Variants in ATP5F1C observed in about 807,000 individuals in gnomAD.
The protein encoded by ATP5F1C is ATP synthase F1 subunit gamma.
A neutral mutation model predicts 37.4 loss-of-function variants in ATP5F1C; 22 were observed. The observed-to-expected ratio is 0.59, with a 90% CI of 0.42 to 0.84. The LOEUF (loss-of-function observed/expected upper bound fraction) is 0.84, where lower values mean the gene tolerates loss of function less well. Ranked by LOEUF, ATP5F1C falls within the 40% of genes least tolerant of loss-of-function variation. The pLI, the probability that ATP5F1C is intolerant of heterozygous loss-of-function variation, is 0.00. For missense variants in ATP5F1C, 286 were observed against 362.4 expected (o/e 0.79, Z 1.71); for synonymous variants, 121 against 128.0 (o/e 0.95, Z 0.37).
intron 1 of ATP5F1C, among the ~76,000 whole-genome samples, chr10:7,789,837 C>T (rs921200802): frequency 1.3e-5 from 2 of 152,062 alleles, no homozygotes; most frequent in African/African-American, 4.8e-5. Flanking sequence ...TTTAAAGCAC[C>T]TGTAAGATAA....
chr10:7,806,845 G>T, intron 8 of ATP5F1C, 129 bp from the exon 9 acceptor site: 2 of 669,552 alleles, frequency 3.0e-6, no homozygotes, highest in South Asian at 3.9e-5. Flanking sequence ...ATTTTTGCAT[G>T]ATGTACTCAA....
chr10:7,805,252 T>C lies in ATP5F1C; in HGVS notation c.891-1722T>C, dbSNP rs145530449. Among the ~76,000 whole-genome samples the C allele has an allele frequency of 3.5e-3, 537 of 152,294 alleles. 5 individuals are homozygous for C. Among genetic ancestry groups the C allele is most frequent in the African/African-American group, 0.012 (505 of 41,546 alleles). The stretch of plus-strand genomic sequence containing the variant: ...ATTATCCTTCTTGCCATCTACCCCA[T>C]GTTAAAGCCAGGCTGATTTGTTCTT... On this transcript the variant is annotated intron_variant, in intron 8 of 9. Coordinates refer to ENST00000356708, the MANE Select transcript of ATP5F1C (RefSeq NM_001001973.3).
intron 9 of ATP5F1C, among the ~76,000 whole-genome samples, chr10:7,807,378 T>A (rs11255369): frequency 0.077 from 11,690 of 152,272 alleles, 601 homozygotes; most frequent in Admixed American, 0.12. Context: ...ATTCATTTTG[T>A]TGTGATGTCA....
chr10:7,807,536 T>G (rs1836506623), intron 9 of ATP5F1C, 123 bp from the exon 10 acceptor site: 1 of 1,192,762 alleles, frequency 8.4e-7, no homozygotes, highest in Non-Finnish European at 1.2e-6. Context: ...TGGTATAGGG[T>G]AACACTTTAT....
chr10:7,796,774 CG>C (rs5782999), intron 2 of ATP5F1C: 3,117 of 205,036 alleles, frequency 0.015, 59 homozygotes, highest in African/African-American at 0.043. Flanking sequence ...TTAGTGGAGA[CG>C]GGGTTTCACC....
Position 7,797,096 on chromosome 10 carries a change from T to A in ATP5F1C, c.141T>A (p.Ser47=). The change falls in exon 3 of 10, where the codon TCT becomes TCA. Residue 47 remains serine, a synonymous_variant. Coordinates refer to ENST00000356708, the MANE Select transcript of ATP5F1C (RefSeq NM_001001973.3). ...AAAACATCCAGAAAATTACCAAGTC[T>A]ATGAAAATGGTAGCGGCAGCAAAAT... ...SIKNIQKITK[S]MKMVAAAKYA... The A allele has an allele frequency of 6.2e-7, 1 of 1,614,158 alleles. No homozygotes were observed. Among genetic ancestry groups the A allele is most frequent in the Non-Finnish European group, 8.5e-7 (1 of 1,180,018 alleles).
At chr10:7,802,736 A>T in intron 7 of ATP5F1C, 22 bp from the exon 8 acceptor site, 1 of 1,599,290 alleles carries the variant, frequency 6.3e-7, no homozygotes, top group Non-Finnish European at 8.5e-7. Flanking sequence ...TTTTTTATGT[A>T]GTGTTTTTGT....
chr10:7,795,694 G>A (rs1836226450), intron 1 of ATP5F1C, among the ~76,000 whole-genome samples: 1 of 152,132 alleles, frequency 6.6e-6, no homozygotes, highest in African/African-American at 2.4e-5. Context: ...AGTCATGTTC[G>A]ACTATATCAT....
intron 4 of ATP5F1C, 178 bp downstream of exon 4, chr10:7,799,372 G>T (rs1836307025): frequency 3.3e-6 from 2 of 610,742 alleles, no homozygotes; most frequent in Non-Finnish European, 5.6e-6. Flanking sequence ...AGGATATATT[G>T]GAACATTTCT....
At chr10:7,788,662 CAGGGGAAGGTTA>C (rs1836099865) in intron 1 of ATP5F1C, among the ~76,000 whole-genome samples, 1 of 152,146 alleles carries the variant, frequency 6.6e-6, no homozygotes, top group Non-Finnish European at 1.5e-5. Context: ...AGCAATAGCC[CAGGGGAAGGTTA>C]AGTCGTGCTT....
chr10:7,806,554 G>T (rs1433885908), intron 8 of ATP5F1C, among the ~76,000 whole-genome samples: 1 of 151,930 alleles, frequency 6.6e-6, no homozygotes, highest in Admixed American at 6.6e-5. Flanking sequence ...CTACTCGGGA[G>T]GCTGAGGCAG....
Position 7,807,605 on chromosome 10 carries a change from T to G in ATP5F1C, c.*31-54T>G, listed in dbSNP as rs1012404182. 68 of 1,575,504 alleles carry G rather than the reference T, an allele frequency of 4.3e-5. No individual in the cohort carries two copies. In the Middle Eastern group the frequency reaches 1.0e-3, roughly 23 times the overall value. ...TATGTATTATTATCTCTTGACATTA[T>G]TTTCCCAAAAAATGCTGTTTGATTT... On this transcript the variant is annotated intron_variant, in intron 9 of 9. Transcript: ENST00000356708.
chr10:7,794,503 T>G (rs867258088), intron 1 of ATP5F1C, among the ~76,000 whole-genome samples: 896 of 63,900 alleles, frequency 0.014, 7 homozygotes, highest in South Asian at 0.073. Context: ...GTGTGTTGTT[T>G]TTTTTTTTTT....
chr10:7,788,803 G>A (rs1432206287), intron 1 of ATP5F1C, among the ~76,000 whole-genome samples: 1 of 151,968 alleles, frequency 6.6e-6, no homozygotes, highest in African/African-American at 2.4e-5. Context: ...TTTGCTGGGT[G>A]CTGCAACAGC....
At chr10:7,800,836 A>G (rs149040314) in intron 6 of ATP5F1C, among the ~76,000 whole-genome samples, 50 of 152,314 alleles carry the variant, frequency 3.3e-4, no homozygotes, top group African/African-American at 1.2e-3. Context: ...CTTGACTTCC[A>G]TGATACTTAA....
intron 8 of ATP5F1C, chr10:7,804,120 C>T: frequency 1.9e-6 from 1 of 518,960 alleles, no homozygotes. Context: ...TGGCCTGGAG[C>T]TAAGAATGGG....
At chr10:7,796,926 T>C (rs1836250427) in intron 2 of ATP5F1C, 121 bp from the exon 3 acceptor site, 1 of 1,097,366 alleles carries the variant, frequency 9.1e-7, no homozygotes, top group Middle Eastern at 3.0e-4. Flanking sequence ...AGCATCGTGC[T>C]GTTTATTGTT....
At chr10:7,807,791 TTAAAA>T (rs909680912) in exon 10 of ATP5F1C, 748 of 1,037,968 alleles carry the variant, frequency 7.2e-4, 5 homozygotes, top group African/African-American at 0.011. Context: ...AATAAACAAC[TTAAAA>T]TAAAATCATT....
At chr10:7,797,240 T>G in intron 3 of ATP5F1C, 62 bp downstream of exon 3, 1 of 1,586,914 alleles carries the variant, frequency 6.3e-7, no homozygotes, top group Non-Finnish European at 8.6e-7. Context: ...AGACTACTGA[T>G]GACTTACATT....
Sources: gnomAD v4.1 joint callset for allele counts (sites outside exome capture counted in the v4.1 genomes callset) on GRCh38, gnomAD v4.1.1 for gene constraint, MANE v1.5 for transcripts, NCBI Gene and HGNC (gene_info 2026-07-23, HGNC 2026-07-21) for gene names.